Variants in NCOR2 observed in about 807,000 individuals in gnomAD.
NCOR2 encodes CTG repeat protein 26.
Under a neutral mutation model 262.9 loss-of-function variants are expected in NCOR2, and 81 were observed. The ratio of observed to expected loss-of-function variants is 0.31; its 90% CI spans 0.26 to 0.37. NCOR2 has a LOEUF of 0.37. NCOR2 is among the 10% of genes least tolerant of loss of function. NCOR2 has a pLI of 1.00. For missense variants in NCOR2, 3,385 were observed against 3,621.4 expected, an observed-to-expected ratio of 0.93 and a Z score of 1.68; for synonymous variants, 1,659 against 1,559.3, an observed-to-expected ratio of 1.06 and a Z score of -1.51.
At chr12:124,562,468 G>A (rs2052103541) in intron 1 of NCOR2, among the ~76,000 whole-genome samples, 1 of 152,186 alleles carries the variant, frequency 6.6e-6, no homozygotes, top group Admixed American at 6.5e-5. Context: ...TTTTTTCAGA[G>A]ACCAGGAGCA....
chr12:124,387,855 G>A (rs1484966409), intron 16 of NCOR2, among the ~76,000 whole-genome samples: 6 of 152,116 alleles, frequency 3.9e-5, no homozygotes, highest in Admixed American at 3.3e-4. Context: ...ACCCGGGTGG[G>A]AGAGGGCGAG....
Position 124,457,888 on chromosome 12 carries a change from A to G in NCOR2, c.706-726T>C, listed in dbSNP as rs1450927527. Among the ~76,000 whole-genome samples the G allele has an allele frequency of 6.6e-6, 1 of 152,082 alleles. No individual in the cohort carries two copies. Among genetic ancestry groups the G allele is most frequent in the Non-Finnish European group, 1.5e-5 (1 of 67,994 alleles). On this transcript the variant is annotated intron_variant, in intron 5 of 46. Coordinates refer to ENST00000405201, the Ensembl canonical transcript of NCOR2. The surrounding 1 kb of genome is among the most constrained non-coding windows in gnomAD (Gnocchi z 4.0). ...CCTGGGACCACCAGGGTCCACTCAC[A>G]GGAGGCCTGGAGGGCAGCCCAGGCC...
chr12:124,427,767 G>C (rs961974729), intron 10 of NCOR2, among the ~76,000 whole-genome samples: 1 of 152,136 alleles, frequency 6.6e-6, no homozygotes, highest in Non-Finnish European at 1.5e-5. Context: ...CAGGACCCCC[G>C]GCACGGCCAC....
At chr12:124,557,061 A>G (rs1288152429) in intron 1 of NCOR2, among the ~76,000 whole-genome samples, 1 of 152,194 alleles carries the variant, frequency 6.6e-6, no homozygotes, top group Non-Finnish European at 1.5e-5. Context: ...GGCAGAGGGT[A>G]GAGCCTCACG....
intron 1 of NCOR2, among the ~76,000 whole-genome samples, chr12:124,488,166 A>T (rs191093902): frequency 1.3e-5 from 2 of 151,992 alleles, no homozygotes; most frequent in Non-Finnish European, 1.5e-5. Context: ...AAAGAGAATC[A>T]GAGACAATGC....
chr12:124,337,995 G>A (rs1373914064), intron 37 of NCOR2, among the ~76,000 whole-genome samples: 1 of 152,228 alleles, frequency 6.6e-6, no homozygotes, highest in Admixed American at 6.5e-5. Context: ...GAGCCTGTGT[G>A]CGGAACCCTG....
chr12:124,374,216 G>A (rs1163606289), intron 19 of NCOR2, among the ~76,000 whole-genome samples, 197 bp downstream of exon 21: 1 of 152,232 alleles, frequency 6.6e-6, no homozygotes, highest in East Asian at 1.9e-4. Flanking sequence ...AAACTGGTCT[G>A]CTGGAGTGAG....
intron 8 of NCOR2, among the ~76,000 whole-genome samples, chr12:124,434,512 C>G (rs1593522446): frequency 6.6e-6 from 1 of 152,116 alleles, no homozygotes. Context: ...CACAGACCCC[C>G]CAAGGAGCCA....
At chr12:124,449,092 A>G (rs1341555646) in intron 7 of NCOR2, among the ~76,000 whole-genome samples, 1 of 152,056 alleles carries the variant, frequency 6.6e-6, no homozygotes, top group Non-Finnish European at 1.5e-5. Flanking sequence ...CCAACAGTCT[A>G]TGCTCCCGTT....
rs952745201 is a variant in NCOR2 at position 124,517,483 on chromosome 12, G to C, written c.-118+18082C>G. On this transcript the variant is annotated intron_variant, in intron 1 of 46. Transcript: ENST00000404621. This position sits in a 1 kb window ranked among gnomAD's most constrained non-coding sequence, Gnocchi z 7.6. ...GGCCGGTGGCGCTGATTTCAAACCAGACATGGGCACCGAGCCAAGCGCCAC... is the reference window on the plus strand; with the variant it reads ...GGCCGGTGGCGCTGATTTCAAACCACACATGGGCACCGAGCCAAGCGCCAC... Among the ~76,000 whole-genome samples, 11 of 152,300 alleles carry C rather than the reference G, an allele frequency of 7.2e-5. No homozygotes were observed. Among genetic ancestry groups the C allele is most frequent in the African/African-American group, 2.4e-4 (10 of 41,578 alleles).
At chr12:124,562,940 A>G (rs577744906) in intron 1 of NCOR2, among the ~76,000 whole-genome samples, 8 of 152,324 alleles carry the variant, frequency 5.3e-5, no homozygotes, top group African/African-American at 1.9e-4. Context: ...TCTCACAACC[A>G]TAAAGTCAGA....
intron 16 of NCOR2, chr12:124,388,680 CT>C: frequency 7.7e-7 from 1 of 1,304,514 alleles, no homozygotes; most frequent in South Asian, 1.2e-5. Context: ...GGACCACTCA[CT>C]CACATCCTCT....
intron 27 of NCOR2, among the ~76,000 whole-genome samples, chr12:124,353,526 G>A (rs2037684911): frequency 6.6e-6 from 1 of 152,266 alleles, no homozygotes; most frequent in African/African-American, 2.4e-5. Context: ...GTGCAAGTGT[G>A]TGGACCCACG....
At chr12:124,447,724 T>G in intron 7 of NCOR2, among the ~76,000 whole-genome samples, 1 of 151,742 alleles carries the variant, frequency 6.6e-6, no homozygotes, top group East Asian at 1.9e-4. Context: ...AGAAACAGGG[T>G]TTTGCTCTGT....
intron 13 of NCOR2, among the ~76,000 whole-genome samples, chr12:124,410,401 G>A (rs773509428): frequency 3.3e-5 from 5 of 151,754 alleles, no homozygotes; most frequent in South Asian, 2.1e-4. Flanking sequence ...ACTGCAGGAC[G>A]TGGGGAGCCC....
intron 43 of NCOR2, chr12:124,331,979 A>G (rs2035240493): frequency 3.2e-6 from 1 of 310,934 alleles, no homozygotes; most frequent in African/African-American, 2.1e-5. Context: ...AATGGGTGCA[A>G]AGCCACACAG....
chr12:124,469,286 A>G (rs1486454832), intron 4 of NCOR2, among the ~76,000 whole-genome samples: 1 of 152,122 alleles, frequency 6.6e-6, no homozygotes, highest in Non-Finnish European at 1.5e-5. Context: ...GCCCAAGAAG[A>G]AGTGAACACA....
At chr12:124,343,627 ATTT>A (rs11322329) in intron 32 of NCOR2, among the ~76,000 whole-genome samples, 169 of 148,560 alleles carry the variant, frequency 1.1e-3, no homozygotes, top group East Asian at 2.4e-3. Context: ...ATTTTCTTTC[ATTT>A]TTTTTTTTTT....
In NCOR2 at chr12:124,398,191, A is replaced by T. The variant is rs1390354544; in HGVS notation, c.1814-10T>A. ...TTCAGCTCCATGGAGGCTGAAAAGA[A>T]GATGCCAGGTTATTGGCAGGAGCCG... On this transcript the variant is annotated splice_polypyrimidine_tract_variant and intron_variant, in intron 15 of 46. Transcript: ENST00000405201. The T allele has an allele frequency of 6.2e-7, 1 of 1,614,198 alleles. No individual in the cohort carries two copies. Among genetic ancestry groups the T allele is most frequent in the Non-Finnish European group, 8.5e-7 (1 of 1,180,014 alleles).
Sources: gnomAD v4.1 joint callset for allele counts (sites outside exome capture counted in the v4.1 genomes callset) on GRCh38, gnomAD v4.1.1 for gene constraint, Gnocchi (gnomAD v3.1) non-coding constraint, MANE v1.5 for transcripts, NCBI Gene and HGNC (gene_info 2026-07-23, HGNC 2026-07-21) for gene names.